HSD17B4: variants seen among roughly 807,000 people sequenced by gnomAD.
HSD17B4 encodes the protein peroxisomal multifunctional enzyme type 2.
A neutral mutation model predicts 101.0 loss-of-function variants in HSD17B4; 70 were observed. The ratio of observed to expected loss-of-function variants is 0.69; its 90% CI spans 0.57 to 0.85. The LOEUF (loss-of-function observed/expected upper bound fraction) is 0.85, where lower values mean the gene tolerates loss of function less well. Among genes scored for constraint, HSD17B4 ranks in the 40% least tolerant of loss-of-function variants. The pLI is 0.00. For missense variants in HSD17B4, 984 were observed against 892.4 expected (o/e 1.10, Z -1.31); for synonymous variants, 347 against 297.1 (o/e 1.17, Z -1.73).
chr5:119,475,230 ATTTTCTTTCATAG>A (rs1368263020), intron 4 of HSD17B4, among the ~76,000 whole-genome samples: 4 of 152,036 alleles, frequency 2.6e-5, no homozygotes, highest in Non-Finnish European at 4.4e-5. Flanking sequence ...AAAAATAATT[ATTTTCTTTCATAG>A]TGAGAAAATA....
At chr5:119,498,751 G>A (rs953900913) in intron 12 of HSD17B4, among the ~76,000 whole-genome samples, 4 of 152,072 alleles carry the variant, frequency 2.6e-5, no homozygotes, top group Admixed American at 2.0e-4. Flanking sequence ...ATGGTGGCAC[G>A]GGCCTGTAGT....
chr5:119,491,992 C>G (rs1199473595), intron 9 of HSD17B4, 108 bp from the exon 10 acceptor site: 1 of 864,498 alleles, frequency 1.2e-6, no homozygotes, highest in Non-Finnish European at 2.0e-6. Flanking sequence ...CTCCTGTTGC[C>G]TTGAATTCTA....
At chr5:119,484,994 C>A (rs1232183626) in intron 8 of HSD17B4, among the ~76,000 whole-genome samples, 2 of 152,074 alleles carry the variant, frequency 1.3e-5, no homozygotes, top group African/African-American at 4.8e-5. Flanking sequence ...TATATAGACA[C>A]AAAACAGTAT....
chr5:119,473,820 T>A (rs148111337), intron 2 of HSD17B4, 88 bp from the exon 3 acceptor site: 363 of 798,942 alleles, frequency 4.5e-4, no homozygotes, highest in Middle Eastern at 1.8e-3. Flanking sequence ...GATGTGCTAG[T>A]AATTAGAATT....
Position 119,524,443 on chromosome 5 carries a change from G to A in HSD17B4, c.1504-773G>A, listed in dbSNP as rs145159350. On this transcript the variant is annotated intron_variant, in intron 17 of 23. Transcript: ENST00000510025. Reference sequence around the variant, plus strand: ...GCACAGCAATTAATGAGAAAGGGAAGAAGTCTTGAGGCTGACCTAAAAGGG... The same window carrying A: ...GCACAGCAATTAATGAGAAAGGGAAAAAGTCTTGAGGCTGACCTAAAAGGG... 6.8e-3 allele frequency among the ~76,000 whole-genome samples: 1,034 copies of A among 152,192 alleles called. 15 individuals are homozygous for A. Among genetic ancestry groups the A allele is most frequent in the African/African-American group, 0.024 (979 of 41,550 alleles).
rs73790878 is a variant in HSD17B4, at chr5:119,513,243, G to C, written c.1438-1738G>C. Among the ~76,000 whole-genome samples the C allele has an allele frequency of 2.4e-3, 369 of 152,266 alleles. 2 individuals carry two copies. The highest frequency in any genetic ancestry group is 8.6e-3 in the African/African-American group (358 of 41,540). Reference sequence around the variant, plus strand: ...TTCTCTGAATGAAAAGCTTGGAAATGTTATATTCACTCTTAAAACATCCAA... The same window carrying C: ...TTCTCTGAATGAAAAGCTTGGAAATCTTATATTCACTCTTAAAACATCCAA... On this transcript the variant is annotated intron_variant, in intron 16 of 23. Transcript: ENST00000510025.
At position 119,502,036 on chromosome 5, in the gene HSD17B4, C is replaced by T; in HGVS notation, c.1210-5C>T. 2 of 1,599,580 alleles carry T rather than the reference C, an allele frequency of 1.3e-6. No individual in the cohort carries two copies. The highest frequency in any genetic ancestry group is 8.6e-7 in the Non-Finnish European group (1 of 1,166,962). On this transcript the variant is annotated splice_polypyrimidine_tract_variant and splice_region_variant and intron_variant, in intron 13 of 23. Transcript: ENST00000510025. ...GCTAATAAAATTTTGTTTACCCTAA[C>T]ATAGGTTCTTCATGGAGAGCAGTAC...
At position 119,478,922 on chromosome 5, in the gene HSD17B4, G is replaced by T; in HGVS notation, c.523G>T (p.Ala175Ser). 1 of 1,613,632 alleles carries T rather than the reference G, an allele frequency of 6.2e-7. No individual in the cohort carries two copies. The highest frequency in any genetic ancestry group is 8.5e-7 in the Non-Finnish European group (1 of 1,179,662). The change falls in exon 8 of 24, where the codon GCA becomes TCA. Residue 175 changes from alanine (A) to serine (S), a missense_variant. Transcript: ENST00000510025. ...SAAKLGLLGL[A>S]NSLAIEGRKS... ...TGCAAAGTTGGGTCTTCTGGGCCTT[G>T]CAAATTCTCTTGCAATTGAAGGCAG...
At chr5:119,480,801 G>A (rs184089935) in intron 8 of HSD17B4, among the ~76,000 whole-genome samples, 24 of 152,250 alleles carry the variant, frequency 1.6e-4, no homozygotes, top group African/African-American at 5.8e-4. Context: ...TACGCCCCGG[G>A]GGGGCCAGTT....
At chr5:119,459,850 C>G (rs1385418536) in intron 2 of HSD17B4, among the ~76,000 whole-genome samples, 1 of 151,734 alleles carries the variant, frequency 6.6e-6, no homozygotes, top group South Asian at 2.1e-4. Context: ...ACAATTCAAT[C>G]ACTTTTTAAA....
intron 16 of HSD17B4, among the ~76,000 whole-genome samples, chr5:119,511,193 G>A (rs1174775413): frequency 2.6e-5 from 4 of 152,196 alleles, no homozygotes; most frequent in East Asian, 1.9e-4. Context: ...ATAACACAAA[G>A]TTCTGACCCT....
chr5:119,488,005 A>G (rs760431206), intron 8 of HSD17B4, among the ~76,000 whole-genome samples: 5 of 152,084 alleles, frequency 3.3e-5, no homozygotes, highest in African/African-American at 7.2e-5. Flanking sequence ...CTACTTTTTA[A>G]TTTACAGGAC....
chr5:119,504,155 C>T (rs777501905), intron 14 of HSD17B4, among the ~76,000 whole-genome samples: 1 of 152,070 alleles, frequency 6.6e-6, no homozygotes, highest in Non-Finnish European at 1.5e-5. Flanking sequence ...TATATATGTA[C>T]CACATTTTCT....
rs1460470115 is a variant in HSD17B4 at position 119,473,972 on chromosome 5, T to G, written c.177T>G (p.Val59=). ...GKGSLAADKV[V]EEIRRRGGKA... is the part of the protein sequence containing the mutation. The stretch of plus-strand genomic sequence containing the variant: ...GCTCCTTAGCTGCTGATAAGGTTGT[T>G]GAAGAAATAAGAAGGAGAGGTGGAA... The change falls in exon 3 of 24, where the codon GTT becomes GTG. Residue 59 remains valine, a synonymous_variant. Transcript: ENST00000510025. 3.7e-6 allele frequency: 6 copies of G among 1,612,346 alleles called. No individual in the cohort carries two copies. In the South Asian group the frequency reaches 6.6e-5, roughly 18 times the overall value.
chr5:119,485,086 C>T (rs1400151906), intron 8 of HSD17B4, among the ~76,000 whole-genome samples: 5 of 152,052 alleles, frequency 3.3e-5, no homozygotes, highest in Admixed American at 6.6e-5. Context: ...GGAACATTGC[C>T]AATAACTTGC....
intron 2 of HSD17B4, among the ~76,000 whole-genome samples, chr5:119,462,516 T>C (rs929278101): frequency 6.6e-6 from 1 of 152,100 alleles, no homozygotes; most frequent in East Asian, 1.9e-4. Context: ...TGCATCAGTG[T>C]ACATAGTAGT....
At chr5:119,539,217 A>C (rs981390104) in intron 23 of HSD17B4, among the ~76,000 whole-genome samples, 2 of 152,286 alleles carry the variant, frequency 1.3e-5, no homozygotes, top group Admixed American at 6.5e-5. Flanking sequence ...CTGCATTAAG[A>C]AAATGTGGCA....
At chr5:119,469,874 C>T (rs1406531783) in intron 2 of HSD17B4, among the ~76,000 whole-genome samples, 1 of 152,126 alleles carries the variant, frequency 6.6e-6, no homozygotes, top group African/African-American at 2.4e-5. Flanking sequence ...GTATGTGCCT[C>T]AGTGGCCTTG....
At chr5:119,493,723 T>C in intron 10 of HSD17B4, 95 bp from the exon 11 acceptor site, 1 of 1,198,578 alleles carries the variant, frequency 8.3e-7, no homozygotes, top group East Asian at 2.5e-5. Context: ...TTTTTCTGAA[T>C]TTCCTTTCTC....
Sources: allele counts gnomAD v4.1 joint callset (sites outside exome capture counted in the v4.1 genomes callset), GRCh38; gene constraint gnomAD v4.1.1; transcripts MANE v1.5; gene names NCBI Gene and HGNC (gene_info 2026-07-23, HGNC 2026-07-21).